The following DCAF6 variants were observed in gnomAD, a reference collection of about 807,000 sequenced individuals.
DCAF6 encodes DDB1- and CUL4-associated factor 6.
In DCAF6, 54 loss-of-function variants were observed where a neutral mutation model predicts 125.1. The observed-to-expected ratio is 0.43, with a 90% CI of 0.35 to 0.54. The LOEUF (loss-of-function observed/expected upper bound fraction) is 0.54, where lower values mean the gene tolerates loss of function less well. Ranked by LOEUF, DCAF6 falls within the 20% of genes least tolerant of loss-of-function variation. DCAF6 has a pLI of 0.01. For missense variants in DCAF6, 934 were observed against 1,161.7 expected, an observed-to-expected ratio of 0.80 and a Z score of 2.85; for synonymous variants, 371 against 390.4, an observed-to-expected ratio of 0.95 and a Z score of 0.58.
Position 168,002,608 on chromosome 1 carries a change from A to G in DCAF6, c.997+33A>G, listed in dbSNP as rs6660416. The G allele has an allele frequency of 2.2e-3, 3,382 of 1,513,092 alleles. 14 individuals are homozygous for G. The highest frequency in any genetic ancestry group is 0.014 in the Middle Eastern group (79 of 5,754). The allele number at this position is 1,513,092 out of a possible 1,614,324, so 93.7% of individuals were successfully genotyped here. ...TACTTTGGTCAGCTTTTCTTTGTAT[A>G]TGGTATTTTAAAATTAATATTTTAA... is the stretch of plus-strand genomic sequence containing the variant. On this transcript the variant is annotated intron_variant, in intron 8 of 21. Transcript: ENST00000367840.
chr1:168,056,114 C>T (rs1690724351), intron 17 of DCAF6: 2 of 1,594,082 alleles, frequency 1.3e-6, no homozygotes, highest in Admixed American at 3.3e-5. Context: ...TCACACTTTC[C>T]AAAGCACCAA....
chr1:167,921,014 C>G, the DCAF6 span, among the ~76,000 whole-genome samples: 1 of 151,888 alleles, frequency 6.6e-6, no homozygotes, highest in South Asian at 2.1e-4. Flanking sequence ...ATGGAAGATA[C>G]CTAAAAGCTG....
At position 168,015,802 on chromosome 1, in the gene DCAF6, T is replaced by C; in HGVS notation, c.1400T>C (p.Ile467Thr). 6.6e-7 allele frequency: 1 copy of C among 1,519,420 alleles called. No individual in the cohort carries two copies. Among genetic ancestry groups the C allele is most frequent in the Non-Finnish European group, 8.8e-7 (1 of 1,130,358 alleles). The allele number at this position is 1,519,420 out of a possible 1,614,324, so 94.1% of individuals were successfully genotyped here. The change falls in exon 11 of 22, where the codon ATA becomes ACA. Residue 467 changes from isoleucine to threonine, a missense_variant. This residue lies in a region of DCAF6 where 559 missense variants were observed against 635.5 expected (regional missense o/e 0.88). Coordinates refer to ENST00000367840, the MANE Select transcript of DCAF6 (RefSeq NM_001198956.2). ...HQSEFLRGPE[I>T]ALLRKRLQQL... ...TCAGAATTTTTAAGGGGCCCTGAGA[T>C]AGCTTTGCTTCGTAAGCGCCTGCAA...
the DCAF6 span, among the ~76,000 whole-genome samples, chr1:167,897,469 A>G: frequency 6.7e-6 from 1 of 150,132 alleles, no homozygotes; most frequent in Non-Finnish European, 1.5e-5. Context: ...CTCACTCCCC[A>G]CTGGGTGACA....
At chr1:167,904,879 G>T in the DCAF6 span, 1 of 1,404,554 alleles carries the variant, frequency 7.1e-7, no homozygotes, top group Non-Finnish European at 1.0e-6. Context: ...CATCTGCTGT[G>T]ACAGCCCAAG....
chr1:168,072,181 CAGCTACTTGGGAGGCTGAGGCAGGA>C (rs1340105752), intron 21 of DCAF6, among the ~76,000 whole-genome samples: 1 of 151,294 alleles, frequency 6.6e-6, no homozygotes, highest in African/African-American at 2.4e-5. Context: ...CCTGTAGTCC[CAGCTACTTGGGAGGCTGAGGCAGGA>C]GAATCGCCTG....
At chr1:168,033,133 A>G (rs115689553) in intron 12 of DCAF6, among the ~76,000 whole-genome samples, 1,587 of 152,260 alleles carry the variant, frequency 0.01, 33 homozygotes, top group African/African-American at 0.035. Flanking sequence ...CGTGTGCATT[A>G]CAAAAAATAG....
At chr1:168,041,560 G>T (rs752056536) in intron 13 of DCAF6, among the ~76,000 whole-genome samples, 139 of 151,762 alleles carry the variant, frequency 9.2e-4, no homozygotes, top group Non-Finnish European at 5.2e-4. Context: ...AAAGTATAAC[G>T]TGAAGCCATA....
At chr1:167,949,671 G>T (rs1426603609) in intron 1 of DCAF6, among the ~76,000 whole-genome samples, 1 of 152,126 alleles carries the variant, frequency 6.6e-6, no homozygotes, top group Non-Finnish European at 1.5e-5. Context: ...TTTTGCCTCT[G>T]ACTTAGGAGT....
chr1:167,947,640 A>G (rs1218908843), intron 1 of DCAF6, among the ~76,000 whole-genome samples: 1 of 151,854 alleles, frequency 6.6e-6, no homozygotes, highest in Non-Finnish European at 1.5e-5. Flanking sequence ...GTCATTCAGG[A>G]GCATGTTGTT....
At chr1:168,043,914 AAT>A (rs1470992359) in intron 14 of DCAF6, among the ~76,000 whole-genome samples, 1 of 152,176 alleles carries the variant, frequency 6.6e-6, no homozygotes, top group African/African-American at 2.4e-5. Flanking sequence ...GATTTTACCA[AAT>A]ACATGATAGA....
the DCAF6 span, chr1:167,870,245 C>G: frequency 6.2e-7 from 1 of 1,613,910 alleles, no homozygotes; most frequent in Non-Finnish European, 8.5e-7. Flanking sequence ...ACAATCATTC[C>G]AAGACACTCA....
At chr1:168,035,455 A>G (rs905597468) in intron 12 of DCAF6, among the ~76,000 whole-genome samples, 2 of 152,132 alleles carry the variant, frequency 1.3e-5, no homozygotes, top group Non-Finnish European at 2.9e-5. Flanking sequence ...TCAAAACAAA[A>G]ACAAAAACAA....
chr1:167,868,154 G>C, the DCAF6 span, among the ~76,000 whole-genome samples: 2 of 152,148 alleles, frequency 1.3e-5, no homozygotes, highest in Admixed American at 1.3e-4. Context: ...AGAGACTCCA[G>C]GAAAAACCAG....
the DCAF6 span, among the ~76,000 whole-genome samples, chr1:167,864,357 G>A: frequency 2.6e-5 from 4 of 152,130 alleles, no homozygotes; most frequent in African/African-American, 9.7e-5. Flanking sequence ...GAAAAACTTA[G>A]AACTTTGTGT....
intron 2 of DCAF6, among the ~76,000 whole-genome samples, chr1:167,964,955 T>C (rs1027151927): frequency 6.6e-6 from 1 of 152,226 alleles, no homozygotes; most frequent in African/African-American, 2.4e-5. Flanking sequence ...CTGTCTACTT[T>C]ATCCATTGGA....
rs116642314 is a variant in DCAF6, at chr1:168,021,937, C to T, written c.1550-1051C>T. 5.0e-3 allele frequency among the ~76,000 whole-genome samples: 760 copies of T among 152,260 alleles called. 5 individuals are homozygous for T. The highest frequency in any genetic ancestry group is 0.017 in the African/African-American group (713 of 41,540). On this transcript the variant is annotated intron_variant, in intron 11 of 21. Coordinates refer to ENST00000367840, the MANE Select transcript of DCAF6 (RefSeq NM_001198956.2). ...GTATTTTGTTAACATTTGCTAAGAA[C>T]TAGAGCACAGGATATTAGAAACTGG...
chr1:168,013,668 C>G (rs888699695), intron 10 of DCAF6, among the ~76,000 whole-genome samples: 1 of 152,070 alleles, frequency 6.6e-6, no homozygotes, highest in Non-Finnish European at 1.5e-5. Flanking sequence ...ATCTTTCTCT[C>G]TCCTTCAGTT....
At chr1:167,896,038 A>G in the DCAF6 span, among the ~76,000 whole-genome samples, 12 of 152,344 alleles carry the variant, frequency 7.9e-5, no homozygotes, top group East Asian at 2.3e-3. Context: ...TCAACCATCT[A>G]GGATGAGGCC....
Sources: gnomAD v4.1 joint callset for allele counts (sites outside exome capture counted in the v4.1 genomes callset) on GRCh38, gnomAD v4.1.1 for gene constraint, gnomAD v4.1.1 regional missense constraint, MANE v1.5 for transcripts, NCBI Gene and HGNC (gene_info 2026-07-23, HGNC 2026-07-21) for gene names.